CHAF1A: variants seen among roughly 807,000 people sequenced by gnomAD.
The protein encoded by CHAF1A is CAF-1 subunit A.
CHAF1A carries 5 observed loss-of-function variants against 93.2 expected under a neutral mutation model. The ratio of observed to expected loss-of-function variants is 0.05; its 90% CI spans 0.03 to 0.11. The LOEUF (loss-of-function observed/expected upper bound fraction) is 0.11. Ranked by LOEUF, CHAF1A falls within the 10% of genes least tolerant of loss-of-function variation. The probability of loss-of-function intolerance (pLI) is 1.00; values close to 1 mark genes in which losing one functional copy is unlikely to be tolerated. For missense variants in CHAF1A, 1,102 were observed against 1,259.9 expected (o/e 0.87, Z 1.90); for synonymous variants, 504 against 510.3 (o/e 0.99, Z 0.17).
chr19:4,432,989 TTGTGTA>T, intron 12 of CHAF1A, 75 bp from the exon 13 acceptor site: 2 of 1,153,386 alleles, frequency 1.7e-6, no homozygotes, highest in Non-Finnish European at 2.4e-6. Context: ...GGCAATGAGC[TTGTGTA>T]TGTGTTTTGT....
chr19:4,404,237 C>T (rs1018821899), intron 1 of CHAF1A, among the ~76,000 whole-genome samples: 10 of 152,192 alleles, frequency 6.6e-5, no homozygotes, highest in Admixed American at 6.5e-4. Context: ...GAATAAAGAG[C>T]AGTTAGTAAC....
At chr19:4,417,008 T>G (rs1346385326) in intron 3 of CHAF1A, among the ~76,000 whole-genome samples, 4 of 149,650 alleles carry the variant, frequency 2.7e-5, no homozygotes, top group African/African-American at 9.8e-5. Context: ...TATCTTTTTA[T>G]TTTTTTTTTA....
chr19:4,448,191 C>G, downstream of CHAF1A: 1 of 829,894 alleles, frequency 1.2e-6, no homozygotes, highest in East Asian at 2.7e-5. Context: ...GCCTCACTCT[C>G]GGCCTATGCT....
In CHAF1A at chr19:4,443,345, C is replaced by T; in HGVS notation, c.*320C>T. 1.1e-5 allele frequency: 4 copies of T among 351,506 alleles called. No individual in the cohort carries two copies. The highest frequency in any genetic ancestry group is 2.6e-5 in the South Asian group (1 of 38,166). 21.8% of individuals were successfully genotyped at this position (351,506 alleles called of 1,614,324 possible). A position where few individuals can be genotyped will look rare whatever the true frequency, so the allele number is the denominator to read the frequency against. ...TCAGGACCACCCGCCTGGCCACGTG[C>T]GCGGGCCCCTGGACCTAACGAGGCA... On this transcript the variant is annotated 3_prime_UTR_variant, in exon 15 of 15. Coordinates refer to ENST00000301280, the MANE Select transcript of CHAF1A (RefSeq NM_005483.3).
chr19:4,445,689 C>T (rs1231108097), downstream of CHAF1A: 9 of 1,576,160 alleles, frequency 5.7e-6, no homozygotes, highest in Non-Finnish European at 7.7e-6. Flanking sequence ...GGGAACTCAG[C>T]GGGCAACCTG....
intron 13 of CHAF1A, among the ~76,000 whole-genome samples, chr19:4,435,147 G>A (rs1364618411): frequency 7.4e-6 from 1 of 134,646 alleles, no homozygotes; most frequent in Admixed American, 8.0e-5. Context: ...CTGGAGTGCA[G>A]TGGTGTGATC....
chr19:4,436,656 A>G (rs1974288800), intron 13 of CHAF1A, among the ~76,000 whole-genome samples: 1 of 151,978 alleles, frequency 6.6e-6, no homozygotes, highest in East Asian at 1.9e-4. Context: ...TCCCCTGGGA[A>G]CCCCTGTGTC....
At chr19:4,429,010 C>T (rs62130978) in intron 8 of CHAF1A, 120 bp downstream of exon 8, 163,109 of 771,882 alleles carry the variant, frequency 0.21, 19,290 homozygotes, top group Admixed American at 0.26. Flanking sequence ...CTAGTGCCCT[C>T]GGGCCCTGGG....
At position 4,441,719 on chromosome 19, in the gene CHAF1A, C is replaced by A. The variant is rs569214412; in HGVS notation, c.2674-526C>A. On this transcript the variant is annotated intron_variant, in intron 13 of 14. Transcript: ENST00000301280. Reference sequence around the variant, plus strand: ...CAGGAGATCAAGACCATCCGGATAACACGATGAAACCCCGTCTCTACTAAA... The same window carrying A: ...CAGGAGATCAAGACCATCCGGATAAAACGATGAAACCCCGTCTCTACTAAA... Among the ~76,000 whole-genome samples the A allele has an allele frequency of 1.1e-3, 166 of 152,136 alleles. 1 individual carries two copies. The highest frequency in any genetic ancestry group is 4.0e-3 in the African/African-American group (165 of 41,510).
intron 7 of CHAF1A, among the ~76,000 whole-genome samples, chr19:4,428,138 A>G (rs1974117879): frequency 6.7e-6 from 1 of 150,014 alleles, no homozygotes; most frequent in East Asian, 2.0e-4. Context: ...GATTACAGGC[A>G]TGAGCCACTG....
In CHAF1A at chr19:4,423,786, A is replaced by T; in HGVS notation, c.1309-20A>T. ...TCCTCTTCCTCTCCTCTTTCTCATCACCATCTCTTAACATCACAGCGCATT... is the reference window on the plus strand; with the variant it reads ...TCCTCTTCCTCTCCTCTTTCTCATCTCCATCTCTTAACATCACAGCGCATT... On this transcript the variant is annotated intron_variant, in intron 6 of 14. Coordinates refer to ENST00000301280, the MANE Select transcript of CHAF1A (RefSeq NM_005483.3). 1.9e-6 allele frequency: 3 copies of T among 1,612,384 alleles called. No homozygotes were observed. The highest frequency in any genetic ancestry group is 2.5e-6 in the Non-Finnish European group (3 of 1,178,612).
intron 3 of CHAF1A, among the ~76,000 whole-genome samples, chr19:4,417,712 C>T (rs1035827071): frequency 6.6e-5 from 10 of 151,880 alleles, no homozygotes; most frequent in African/African-American, 1.9e-4. Flanking sequence ...CTGTCTGCCT[C>T]GGCCTCCCAA....
intron 2 of CHAF1A, 105 bp downstream of exon 2, chr19:4,406,067 G>A (rs1462436047): frequency 6.6e-6 from 6 of 903,954 alleles, no homozygotes; most frequent in Non-Finnish European, 1.1e-5. Flanking sequence ...GAGAGAAACA[G>A]TCCTTCTTCA....
At chr19:4,446,305 G>A, downstream of CHAF1A, 2 of 1,572,822 alleles carry the variant, frequency 1.3e-6, no homozygotes, top group Non-Finnish European at 1.7e-6. Flanking sequence ...AGCCATCGGG[G>A]AGGCGCACGC....
rs1974147951 is a variant in CHAF1A, at chr19:4,429,781, G to C, written c.1847G>C (p.Ser616Thr). The C allele has an allele frequency of 1.9e-6, 3 of 1,613,196 alleles. No individual in the cohort carries two copies. The highest frequency in any genetic ancestry group is 2.5e-6 in the Non-Finnish European group (3 of 1,179,514). Residue 616 changes from serine to threonine, a missense_variant, in exon 10 of 15, where the codon AGT becomes ACT. Physicochemically the swap from Ser to Thr is moderately conservative, Grantham distance 58. Coordinates refer to ENST00000301280, the MANE Select transcript of CHAF1A (RefSeq NM_005483.3). Reference protein sequence around the residue: ...EEEPGESLSHSEGDDDDDMGE... With the variant: ...EEEPGESLSHTEGDDDDDMGE... Reference sequence around the variant, plus strand: ...GAGCCTGGGGAGTCCCTGTCCCACAGTGAGGGGGTAAGGATGTGCCCCAGC... The same window carrying C: ...GAGCCTGGGGAGTCCCTGTCCCACACTGAGGGGGTAAGGATGTGCCCCAGC...
rs770433230 is a variant in CHAF1A at position 4,423,401 on chromosome 19, GTGTT to G, written c.1308+8_1308+11del. 1 of 1,614,030 alleles carries G rather than the reference GTGTT, an allele frequency of 6.2e-7. No individual in the cohort carries two copies. Among genetic ancestry groups the G allele is most frequent in the East Asian group, 2.2e-5 (1 of 44,882 alleles). ...GGTTAAGAGAAGAAGAGAAGGTAGA[GTGTT>G]TCCCACAGAGCTTCCCCGTCCCAGC... is the stretch of plus-strand genomic sequence containing the variant. On this transcript the variant is annotated splice_region_variant and intron_variant, in intron 6 of 14. Transcript: ENST00000301280.
chr19:4,436,467 CA>C (rs765452898), intron 13 of CHAF1A, among the ~76,000 whole-genome samples: 10 of 152,238 alleles, frequency 6.6e-5, no homozygotes, highest in Non-Finnish European at 1.5e-4. Flanking sequence ...GGCCCCCACA[CA>C]GAGCTTTGCT....
At chr19:4,407,464 A>G (rs1973702239) in intron 2 of CHAF1A, among the ~76,000 whole-genome samples, 2 of 149,916 alleles carry the variant, frequency 1.3e-5, no homozygotes, top group East Asian at 1.9e-4. Flanking sequence ...GGCCAGGAGA[A>G]AAAAAAAAAA....
At chr19:4,427,878 G>A (rs924584794) in intron 7 of CHAF1A, among the ~76,000 whole-genome samples, 4 of 152,072 alleles carry the variant, frequency 2.6e-5, no homozygotes, top group South Asian at 2.1e-4. Context: ...GTGAGCCACC[G>A]CGCCTGGCCT....
Sources: gnomAD v4.1 joint callset for allele counts (sites outside exome capture counted in the v4.1 genomes callset) on GRCh38, gnomAD v4.1.1 for gene constraint, MANE v1.5 for transcripts, NCBI Gene and HGNC (gene_info 2026-07-23, HGNC 2026-07-21) for gene names.